Variants in ZNF841 observed in about 807,000 individuals in gnomAD.
The protein encoded by ZNF841 is zinc finger protein 841.
Under a neutral mutation model 13.0 loss-of-function variants are expected in ZNF841, and 11 were observed. That is an observed-to-expected ratio of 0.85 (90% CI 0.53 to 1.40). The LOEUF is 1.40. ZNF841 is among the 40% of genes most tolerant of loss of function. The pLI is 0.00. For synonymous variants in ZNF841, 369 were observed against 381.6 expected, an observed-to-expected ratio of 0.97 and a Z score of 0.38; for missense variants, 1,068 against 1,139.5, an observed-to-expected ratio of 0.94 and a Z score of 0.90.
Position 52,066,847 on chromosome 19 carries a change from GTAGGGT to G in ZNF841, c.1029_1034del (p.Lys343_Tyr345delinsAsn), listed in dbSNP as rs1872489512. ...AGGACTTGCCACATTCATTACATATGTAGGGTTTGTCTCCAGTGTGACTTCTCCGGT... is the reference window on the plus strand; with the variant it reads ...AGGACTTGCCACATTCATTACATATGTTGTCTCCAGTGTGACTTCTCCGGT... On this transcript the variant is annotated inframe_deletion, in exon 7 of 7. Coordinates refer to ENST00000594440, the MANE Select transcript of ZNF841 (RefSeq NM_001136499.2). 1 of 1,614,038 alleles carries G rather than the reference GTAGGGT, an allele frequency of 6.2e-7. No individual in the cohort carries two copies. Among genetic ancestry groups the G allele is most frequent in the Non-Finnish European group, 8.5e-7 (1 of 1,180,042 alleles).
intron 1 of ZNF841, among the ~76,000 whole-genome samples, chr19:52,094,594 T>C (rs1369442760): frequency 6.6e-6 from 1 of 151,970 alleles, no homozygotes; most frequent in Admixed American, 6.6e-5. Flanking sequence ...CCTTGTTAAA[T>C]TCCCTCTTCC....
chr19:52,079,720 G>A (rs1253369806), intron 4 of ZNF841, among the ~76,000 whole-genome samples: 2 of 152,036 alleles, frequency 1.3e-5, no homozygotes, highest in African/African-American at 2.4e-5. Flanking sequence ...GGCCGGGCAC[G>A]GTGGCTCATA....
chr19:52,088,436 A>AG (rs2088362919), intron 3 of ZNF841, among the ~76,000 whole-genome samples: 1 of 152,254 alleles, frequency 6.6e-6, no homozygotes, highest in Non-Finnish European at 1.5e-5. Flanking sequence ...AATGCATAAA[A>AG]TATATGTAAC....
rs755610830 is a variant in ZNF841 at position 52,065,448 on chromosome 19, G to C, written c.2434C>G (p.Gln812Glu). Reference sequence around the variant, plus strand: ...GGTTTCTCTCCAGTATGCATCATCTGATGATTAAGCAGAATTGAACGTACT... The same window carrying C: ...GGTTTCTCTCCAGTATGCATCATCTCATGATTAAGCAGAATTGAACGTACT... ...FRVRSILLNH[Q>E]MMHTGEKPYK... is the part of the protein sequence containing the mutation. Residue 812 changes from glutamine to glutamate, a missense_variant, in exon 7 of 7, where the codon CAG becomes GAG. Transcript: ENST00000594440. 1.9e-5 allele frequency: 30 copies of C among 1,613,758 alleles called. No individual in the cohort carries two copies. In the African/African-American group the frequency reaches 3.6e-4, roughly 19 times the overall value.
chr19:52,083,052 C>A (rs1488832712), intron 4 of ZNF841, among the ~76,000 whole-genome samples: 2 of 150,980 alleles, frequency 1.3e-5, no homozygotes, highest in East Asian at 3.9e-4. Flanking sequence ...TGCACTCCAG[C>A]CTGGGCGACA....
intron 2 of ZNF841, among the ~76,000 whole-genome samples, chr19:52,089,579 G>A (rs1051253912): frequency 5.9e-5 from 9 of 152,180 alleles, no homozygotes; most frequent in East Asian, 5.8e-4. Flanking sequence ...CCCGGGAGGC[G>A]GACATTACAG....
chr19:52,081,927 C>G (rs1351818987), intron 4 of ZNF841, among the ~76,000 whole-genome samples: 1 of 152,072 alleles, frequency 6.6e-6, no homozygotes, highest in Non-Finnish European at 1.5e-5. Flanking sequence ...TAGATGAATT[C>G]AACAGCTGAC....
At chr19:52,087,794 T>C (rs1483758835) in intron 3 of ZNF841, among the ~76,000 whole-genome samples, 1 of 151,950 alleles carries the variant, frequency 6.6e-6, no homozygotes, top group Non-Finnish European at 1.5e-5. Flanking sequence ...GAGACCAGCC[T>C]GGCCAACGTG....
chr19:52,084,205 T>C (rs1289825088), intron 4 of ZNF841, among the ~76,000 whole-genome samples: 2 of 152,078 alleles, frequency 1.3e-5, no homozygotes, highest in African/African-American at 4.8e-5. Context: ...TTCAGGTTGA[T>C]TTCATATTTT....
downstream of ZNF841, among the ~76,000 whole-genome samples, chr19:52,061,797 C>T (rs775315511): frequency 6.6e-6 from 1 of 152,106 alleles, no homozygotes; most frequent in African/African-American, 2.4e-5. Context: ...CTGCCCAGCT[C>T]GGCCTCCCAA....
chr19:52,093,996 C>G (rs1266902073), intron 1 of ZNF841, 25 bp from the exon 2 acceptor site: 1 of 150,030 alleles, frequency 6.7e-6, no homozygotes, highest in Non-Finnish European at 1.5e-5. Context: ...GAGACCATGT[C>G]CCCCCCCAAA....
chr19:52,067,634 G>A lies in ZNF841; in HGVS notation c.272-24C>T, dbSNP rs375952194. 95 of 1,404,096 alleles carry A rather than the reference G, an allele frequency of 6.8e-5. No individual in the cohort carries two copies. In the African/African-American group the frequency reaches 1.3e-3, roughly 19 times the overall value. The allele number at this position is 1,404,096 out of a possible 1,614,324, so 87.0% of individuals were successfully genotyped here. On this transcript the variant is annotated intron_variant, in intron 6 of 6. Transcript: ENST00000594440. The stretch of plus-strand genomic sequence containing the variant: ...ACCTGCAAAATATAATGAACATGGG[G>A]TTTTAAAATAACTATTATTGGTAAA...
intron 6 of ZNF841, among the ~76,000 whole-genome samples, chr19:52,073,433 A>C (rs1194938886): frequency 1.3e-5 from 2 of 151,912 alleles, no homozygotes; most frequent in African/African-American, 2.4e-5. Context: ...CAAGTAGCTG[A>C]GATTACATGC....
intron 6 of ZNF841, 93 bp downstream of exon 6, chr19:52,075,951 C>A: frequency 6.9e-7 from 1 of 1,459,524 alleles, no homozygotes; most frequent in South Asian, 1.4e-5. Context: ...CACAGAAAAT[C>A]AAATTTGTTT....
Position 52,076,039 on chromosome 19 carries a change from C to A in ZNF841, c.271+5G>T. On this transcript the variant is annotated splice_donor_5th_base_variant and intron_variant, in intron 6 of 6. Coordinates refer to ENST00000594440, the MANE Select transcript of ZNF841 (RefSeq NM_001136499.2). ...CGCTTCCATTGTGCCCATCTGAGCT[C>A]TTACCGGTGATCACGCCTTTCATGC... The A allele has an allele frequency of 6.4e-7, 1 of 1,552,200 alleles. No individual in the cohort carries two copies. The highest frequency in any genetic ancestry group is 1.2e-5 in the South Asian group (1 of 84,076).
chr19:52,075,901 A>T, intron 6 of ZNF841, 143 bp downstream of exon 6: 1 of 1,204,130 alleles, frequency 8.3e-7, no homozygotes, highest in African/African-American at 1.5e-5. Context: ...GTGTCTGGAA[A>T]GCAAAGTGAT....
intron 3 of ZNF841, among the ~76,000 whole-genome samples, chr19:52,085,662 C>A (rs2088248805): frequency 6.6e-6 from 1 of 152,276 alleles, no homozygotes; most frequent in Admixed American, 6.5e-5. Flanking sequence ...AGCTGAGGGG[C>A]CAGACAGCCC....
chr19:52,082,343 C>T (rs2088127495), intron 4 of ZNF841, among the ~76,000 whole-genome samples: 1 of 152,046 alleles, frequency 6.6e-6, no homozygotes, highest in Non-Finnish European at 1.5e-5. Flanking sequence ...GAGAGGTTTG[C>T]CAATCTTCAT....
chr19:52,066,419 T>C lies in ZNF841; in HGVS notation c.1463A>G (p.Asn488Ser). ...IHTGEKPYKCNECGKVFSQHS... is the reference protein window; with the variant it reads ...IHTGEKPYKCSECGKVFSQHS... ...TTGACTGAAGACCTTGCCACATTCA[T>C]TACATTTGTAGGGTTTCTCTCCAGT... is the stretch of plus-strand genomic sequence containing the variant. Residue 488 changes from asparagine (N) to serine (S), a missense_variant, in exon 7 of 7, where the codon AAT becomes AGT. Transcript: ENST00000594440. 1.2e-6 allele frequency: 2 copies of C among 1,614,086 alleles called. No homozygotes were observed. The highest frequency in any genetic ancestry group is 1.3e-5 in the African/African-American group (1 of 75,052).
Sources: gnomAD v4.1 joint callset for allele counts (sites outside exome capture counted in the v4.1 genomes callset) on GRCh38, gnomAD v4.1.1 for gene constraint, MANE v1.5 for transcripts, NCBI Gene and HGNC (gene_info 2026-07-23, HGNC 2026-07-21) for gene names.